The following XYLT1 variants were observed in gnomAD, a reference collection of about 807,000 sequenced individuals.
XYLT1 encodes beta-D-xylosyltransferase 1.
In XYLT1, 36 loss-of-function variants were observed where a neutral mutation model predicts 91.3. The observed-to-expected ratio is 0.39, with a 90% CI of 0.30 to 0.52. The LOEUF is 0.52. XYLT1 is among the 20% of genes least tolerant of loss of function. XYLT1 has a pLI of 0.68. For synonymous variants in XYLT1, 588 were observed against 532.0 expected (o/e 1.11, Z -1.45); for missense variants, 1,242 against 1,284.5 (o/e 0.97, Z 0.51).
At chr16:17,332,475 T>C (rs1205894145) in intron 2 of XYLT1, among the ~76,000 whole-genome samples, 1 of 151,674 alleles carries the variant, frequency 6.6e-6, no homozygotes, top group Non-Finnish European at 1.5e-5. Context: ...GGCAGAAGAA[T>C]CACTTGGACC....
Position 17,332,567 on chromosome 16 carries a change from TACACACACACACACACAC to T in XYLT1, c.402+25427_402+25444del, listed in dbSNP as rs60919228. Among the ~76,000 whole-genome samples the T allele has an allele frequency of 8.0e-5, 11 of 138,006 alleles. No individual in the cohort carries two copies. The South Asian group carries it at 9.9e-4, about 12-fold the overall frequency. The allele number at this position is 138,006 out of a possible 152,430, so 90.5% of individuals were successfully genotyped here. On this transcript the variant is annotated intron_variant, in intron 2 of 11. Transcript: ENST00000261381. ...ACAGAGCCAGAGTCCATCACACACA[TACACACACACACACACAC>T]ACACACACACACACACACACACACA...
rs766117846 is a variant in XYLT1, at chr16:17,259,241, C to G, written c.660G>C (p.Gly220=). ...GGCTGCTGTTGGCTGCGGCTCTGTC[C>G]CCGGGAGGCAGCACCTCACCGGGGC... ...GKGPGEVLPP[G]DRAAANSSHG... is the part of the protein sequence containing the mutation. The change falls in exon 3 of 12, where the codon GGG becomes GGC. Residue 220 remains glycine (G), a synonymous_variant. Transcript: ENST00000261381. The G allele has an allele frequency of 1.2e-6, 2 of 1,614,006 alleles. No individual in the cohort carries two copies. The highest frequency in any genetic ancestry group is 1.7e-6 in the Non-Finnish European group (2 of 1,180,002).
chr16:17,242,937 G>A (rs187097782), intron 3 of XYLT1, among the ~76,000 whole-genome samples: 7 of 152,308 alleles, frequency 4.6e-5, no homozygotes, highest in Non-Finnish European at 7.3e-5. Context: ...TGCAGCATGC[G>A]ATAGGGTCTT....
rs188837686 is a variant in XYLT1, at chr16:17,132,904, A to G, written c.2027+1569T>C. 3.9e-5 allele frequency among the ~76,000 whole-genome samples: 6 copies of G among 152,256 alleles called. No individual in the cohort carries two copies. In the East Asian group the frequency reaches 1.2e-3, roughly 29 times the overall value. On this transcript the variant is annotated intron_variant, in intron 9 of 11. Coordinates refer to ENST00000261381, the MANE Select transcript of XYLT1 (RefSeq NM_022166.4). ...GAGTAAGACTCTGTCTCAAAAGAGC[A>G]CTGTATAACTAACTCATCAGGTAGT...
intron 11 of XYLT1, among the ~76,000 whole-genome samples, chr16:17,112,258 A>G (rs1449404462): frequency 6.6e-6 from 1 of 152,168 alleles, no homozygotes; most frequent in African/African-American, 2.4e-5. Context: ...GGACGCATCA[A>G]TAGAAAATTA....
intron 2 of XYLT1, among the ~76,000 whole-genome samples, chr16:17,349,378 T>C (rs1007217215): frequency 6.6e-6 from 1 of 152,216 alleles, no homozygotes; most frequent in Non-Finnish European, 1.5e-5. Context: ...CTATATCTTA[T>C]TGATATCTCT....
intron 2 of XYLT1, among the ~76,000 whole-genome samples, chr16:17,330,803 A>AAAAAG (rs1269907229): frequency 6.6e-6 from 1 of 151,796 alleles, no homozygotes; most frequent in Non-Finnish European, 1.5e-5. Flanking sequence ...CGGAAAAAAA[A>AAAAAG]AAAAGAAAAG....
chr16:17,470,674 C>A lies in XYLT1; in HGVS notation c.123G>T (p.Gly41=). The change falls in exon 1 of 12, where the codon GGG becomes GGT. Residue 41 remains glycine (G), a synonymous_variant. Coordinates refer to ENST00000261381, the MANE Select transcript of XYLT1 (RefSeq NM_022166.4). ...VVWNFSSLDS[G]AGERRGGAAV... ...CTGCGCCCCCGCGGCGCTCCCCGGCCCCGGAGTCGAGGCTGCTGAAATTCC... is the reference window on the plus strand; with the variant it reads ...CTGCGCCCCCGCGGCGCTCCCCGGCACCGGAGTCGAGGCTGCTGAAATTCC... The A allele has an allele frequency of 1.7e-6, 2 of 1,155,252 alleles. No homozygotes were observed. The highest frequency in any genetic ancestry group is 2.2e-6 in the Non-Finnish European group (2 of 920,338). The allele number at this position is 1,155,252 out of a possible 1,614,324, so 71.6% of individuals were successfully genotyped here. A position where few individuals can be genotyped will look rare whatever the true frequency, so the allele number is the denominator to read the frequency against.
Position 17,108,825 on chromosome 16 carries a change from A to G in XYLT1, c.2750T>C (p.Met917Thr). 2 of 1,612,844 alleles carry G rather than the reference A, an allele frequency of 1.2e-6. No homozygotes were observed. Among genetic ancestry groups the G allele is most frequent in the Non-Finnish European group, 1.7e-6 (2 of 1,179,952 alleles). The change falls in exon 12 of 12, where the codon ATG becomes ACG. Residue 917 changes from methionine (M) to threonine (T), a missense_variant. This residue lies in a region of XYLT1 where 511 missense variants were observed against 497.0 expected (regional missense o/e 1.03). Transcript: ENST00000261381. ...DSLVGGMWTA[M>T]DICATGPTAC... Reference sequence around the variant, plus strand: ...TGTGGGGCCCGTGGCACAGATGTCCATGGCAGTCCACATCCCGCCCACCAA... The same window carrying G: ...TGTGGGGCCCGTGGCACAGATGTCCGTGGCAGTCCACATCCCGCCCACCAA...
At chr16:17,233,495 G>A (rs749681505) in intron 3 of XYLT1, among the ~76,000 whole-genome samples, 66 of 152,246 alleles carry the variant, frequency 4.3e-4, no homozygotes, top group Non-Finnish European at 1.6e-4. Context: ...AGGGCTCTGC[G>A]CATACTAAGC....
intron 2 of XYLT1, among the ~76,000 whole-genome samples, chr16:17,345,838 T>C (rs2035137170): frequency 6.6e-6 from 1 of 151,874 alleles, no homozygotes. Context: ...TGAGAGAGAG[T>C]CTCGCTCTGT....
intron 1 of XYLT1, among the ~76,000 whole-genome samples, chr16:17,419,826 G>A (rs754990695): frequency 6.6e-6 from 1 of 152,114 alleles, no homozygotes; most frequent in African/African-American, 2.4e-5. Flanking sequence ...CCTTTGATTT[G>A]AGTATGGAAT....
chr16:17,464,196 A>G lies in XYLT1; in HGVS notation c.363+6238T>C, dbSNP rs2036857678. On this transcript the variant is annotated intron_variant, in intron 1 of 11. Coordinates refer to ENST00000261381, the MANE Select transcript of XYLT1 (RefSeq NM_022166.4). Reference sequence around the variant, plus strand: ...ACAATAATCTATTGTATATTTCAAAATAGCTAGAAGACCCGGGCACAGTGG... The same window carrying G: ...ACAATAATCTATTGTATATTTCAAAGTAGCTAGAAGACCCGGGCACAGTGG... Among the ~76,000 whole-genome samples, 2 of 151,972 alleles carry G rather than the reference A, an allele frequency of 1.3e-5. 1 individual carries two copies. Among genetic ancestry groups the G allele is most frequent in the South Asian group, 4.1e-4 (2 of 4,830 alleles).
intron 1 of XYLT1, among the ~76,000 whole-genome samples, chr16:17,420,571 A>G (rs1225609858): frequency 6.6e-6 from 1 of 152,132 alleles, no homozygotes; most frequent in Non-Finnish European, 1.5e-5. Flanking sequence ...TATCTGGAAC[A>G]CTTCAAGAGA....
chr16:17,282,900 T>C (rs2034078271), intron 2 of XYLT1, among the ~76,000 whole-genome samples: 1 of 152,166 alleles, frequency 6.6e-6, no homozygotes, highest in African/African-American at 2.4e-5. Flanking sequence ...GATCCTTAGA[T>C]ATAGCTACTA....
intron 5 of XYLT1, among the ~76,000 whole-genome samples, chr16:17,187,883 G>A (rs2032221016): frequency 6.6e-6 from 1 of 151,886 alleles, no homozygotes; most frequent in African/African-American, 2.4e-5. Context: ...CTCTGGCTGC[G>A]CCCCTGTTGG....
At chr16:17,404,996 A>C (rs183984981) in intron 1 of XYLT1, among the ~76,000 whole-genome samples, 6 of 152,316 alleles carry the variant, frequency 3.9e-5, no homozygotes, top group Non-Finnish European at 8.8e-5. Context: ...ACACAAGCAC[A>C]TAACTTTCTG....
At chr16:17,226,578 A>G (rs1290398441) in intron 3 of XYLT1, among the ~76,000 whole-genome samples, 1 of 152,214 alleles carries the variant, frequency 6.6e-6, no homozygotes, top group African/African-American at 2.4e-5. Flanking sequence ...ACCTGAGGTC[A>G]GGTGTTTGAG....
intron 2 of XYLT1, among the ~76,000 whole-genome samples, chr16:17,303,609 C>T (rs1183483182): frequency 6.6e-6 from 1 of 152,106 alleles, no homozygotes; most frequent in Non-Finnish European, 1.5e-5. Flanking sequence ...AGAAATAAGC[C>T]CAGAACACAG....
Sources: gnomAD v4.1 joint callset for allele counts (sites outside exome capture counted in the v4.1 genomes callset) on GRCh38, gnomAD v4.1.1 for gene constraint, gnomAD v4.1.1 regional missense constraint, MANE v1.5 for transcripts, NCBI Gene and HGNC (gene_info 2026-07-23, HGNC 2026-07-21) for gene names.